The following IMMP2L variants were observed in gnomAD, a reference collection of about 807,000 sequenced individuals.
IMMP2L encodes inner mitochondrial membrane peptidase subunit 2, also known as mitochondrial inner membrane protease subunit 2.
In IMMP2L, 18 loss-of-function variants were observed where a neutral mutation model predicts 19.3. The ratio of observed to expected loss-of-function variants is 0.93; its 90% CI spans 0.64 to 1.38. The LOEUF is 1.38. IMMP2L is among the 40% of genes most tolerant of loss of function. The probability of loss-of-function intolerance (pLI) is 0.00; values close to 1 mark genes in which losing one functional copy is unlikely to be tolerated. For missense variants in IMMP2L, 233 were observed against 218.2 expected (o/e 1.07, Z -0.43); for synonymous variants, 76 against 73.0 (o/e 1.04, Z -0.21).
At chr7:111,325,417 ATGTTT>A (rs1216055109) in intron 3 of IMMP2L, among the ~76,000 whole-genome samples, 6 of 151,620 alleles carry the variant, frequency 4.0e-5, no homozygotes, top group African/African-American at 1.2e-4. Context: ...AATAAATATA[ATGTTT>A]TAATTCCATT....
intron 5 of IMMP2L, among the ~76,000 whole-genome samples, chr7:110,873,742 C>T (rs1808778218): frequency 2.0e-5 from 3 of 151,118 alleles, no homozygotes; most frequent in Non-Finnish European, 2.9e-5. Flanking sequence ...CCATTGCACC[C>T]CAGCAATGGG....
At chr7:110,770,807 A>G (rs950231552) in intron 5 of IMMP2L, among the ~76,000 whole-genome samples, 2 of 152,166 alleles carry the variant, frequency 1.3e-5, no homozygotes, top group African/African-American at 4.8e-5. Context: ...CTGACCTTCT[A>G]TGACATTCTA....
In IMMP2L at chr7:110,842,158, T is replaced by C. The variant is rs1322355511; in HGVS notation, c.408+44435A>G. ...TGGACTCAGTAGCTTCTCCAAAAAT[T>C]TCCTAACTATTTGGGGATTTTTTTT... On this transcript the variant is annotated intron_variant, in intron 5 of 5. Coordinates refer to ENST00000405709, the MANE Select transcript of IMMP2L (RefSeq NM_032549.4). 2.0e-5 allele frequency among the ~76,000 whole-genome samples: 3 copies of C among 152,190 alleles called. No homozygotes were observed. The East Asian group carries it at 5.8e-4, about 29-fold the overall frequency.
rs111447855 is a variant in IMMP2L, at chr7:111,228,393, G to A, written c.239+258845C>T. ...GAATAGGTTCTCATTAAAAAAAAAT[G>A]AGACTCAAAAAGAAAAACTTTTATT... On this transcript the variant is annotated intron_variant, in intron 3 of 5. Coordinates refer to ENST00000405709, the MANE Select transcript of IMMP2L (RefSeq NM_032549.4). Among the ~76,000 whole-genome samples the A allele has an allele frequency of 3.5e-3, 538 of 151,820 alleles. 3 individuals are homozygous for A. Among genetic ancestry groups the A allele is most frequent in the African/African-American group, 0.012 (508 of 41,410 alleles).
intron 2 of IMMP2L, among the ~76,000 whole-genome samples, chr7:111,502,430 G>A (rs1446961750): frequency 1.3e-5 from 2 of 152,002 alleles, no homozygotes; most frequent in African/African-American, 2.4e-5. Flanking sequence ...AAGTTAACAA[G>A]GATATCCAGG....
chr7:111,305,352 G>A (rs1330179051), intron 3 of IMMP2L, among the ~76,000 whole-genome samples: 1 of 151,994 alleles, frequency 6.6e-6, no homozygotes, highest in Non-Finnish European at 1.5e-5. Flanking sequence ...TTTTTGAGAT[G>A]GAGTCTCACT....
intron 3 of IMMP2L, among the ~76,000 whole-genome samples, chr7:111,267,161 AG>A (rs1817921341): frequency 6.6e-6 from 1 of 152,172 alleles, no homozygotes; most frequent in African/African-American, 2.4e-5. Flanking sequence ...AAATTTTTAT[AG>A]AAACTTACCA....
intron 5 of IMMP2L, among the ~76,000 whole-genome samples, chr7:110,817,319 C>G (rs1802614038): frequency 6.6e-6 from 1 of 151,968 alleles, no homozygotes; most frequent in South Asian, 2.1e-4. Context: ...ACACCAATAA[C>G]AGACAAACAG....
intron 3 of IMMP2L, among the ~76,000 whole-genome samples, chr7:111,086,628 T>C (rs1014583024): frequency 8.5e-5 from 13 of 152,224 alleles, no homozygotes; most frequent in African/African-American, 3.1e-4. Context: ...ATCATGTTTC[T>C]AACTGAATTG....
intron 3 of IMMP2L, among the ~76,000 whole-genome samples, chr7:111,408,415 C>A (rs1287855614): frequency 6.6e-6 from 1 of 151,744 alleles, no homozygotes; most frequent in Non-Finnish European, 1.5e-5. Flanking sequence ...AGAAATATCA[C>A]TATGGGTACA....
chr7:111,451,033 T>A (rs1038298317), intron 3 of IMMP2L, among the ~76,000 whole-genome samples: 11 of 148,840 alleles, frequency 7.4e-5, no homozygotes, highest in African/African-American at 2.6e-4. Flanking sequence ...CCAGTTAGAA[T>A]GGCGATCATT....
At chr7:111,326,266 A>T (rs1340656534) in intron 3 of IMMP2L, among the ~76,000 whole-genome samples, 1 of 151,876 alleles carries the variant, frequency 6.6e-6, no homozygotes, top group Non-Finnish European at 1.5e-5. Flanking sequence ...TGCCAAATAA[A>T]AATTAAGATG....
At position 110,714,799 on chromosome 7, in the gene IMMP2L, G is replaced by A. The variant is rs142637949; in HGVS notation, c.409-51078C>T. Among the ~76,000 whole-genome samples, 195 of 152,250 alleles carry A rather than the reference G, an allele frequency of 1.3e-3. 7 individuals are homozygous for A. The East Asian group carries it at 0.033, about 26-fold the overall frequency. On this transcript the variant is annotated intron_variant, in intron 5 of 5. Transcript: ENST00000405709. ...TTTAGTAGGGACAGGGTTTTGCCAT[G>A]TTGGTCAGGCAGGTCTCGAACTCGA... is the stretch of plus-strand genomic sequence containing the variant.
intron 3 of IMMP2L, chr7:111,483,522 T>C (rs555711616): frequency 1.3e-5 from 2 of 152,260 alleles, no homozygotes; most frequent in South Asian, 4.1e-4. Flanking sequence ...AGCTACTGAA[T>C]AACATACTTA....
intron 3 of IMMP2L, among the ~76,000 whole-genome samples, chr7:111,315,038 C>A (rs1329439678): frequency 6.6e-6 from 1 of 152,052 alleles, no homozygotes; most frequent in Non-Finnish European, 1.5e-5. Context: ...ACGTGCATAT[C>A]TCACCCAAAG....
At chr7:110,817,072 T>C (rs1802590351) in intron 5 of IMMP2L, among the ~76,000 whole-genome samples, 1 of 152,002 alleles carries the variant, frequency 6.6e-6, no homozygotes, top group Admixed American at 6.6e-5. Flanking sequence ...TGATGGTCTT[T>C]ACATTTTGGA....
At chr7:111,182,605 C>A (rs538954197) in intron 3 of IMMP2L, among the ~76,000 whole-genome samples, 6 of 150,772 alleles carry the variant, frequency 4.0e-5, no homozygotes, top group African/African-American at 1.5e-4. Context: ...AAGTACCCAC[C>A]GAAATTTTTT....
At position 111,123,479 on chromosome 7, in the gene IMMP2L, A is replaced by T. The variant is rs1586432813; in HGVS notation, c.240-159914T>A. On this transcript the variant is annotated intron_variant, in intron 3 of 5. Coordinates refer to ENST00000405709, the MANE Select transcript of IMMP2L (RefSeq NM_032549.4). The surrounding 1 kb of genome is among the most constrained non-coding windows in gnomAD (Gnocchi z 6.4). Reference sequence around the variant, plus strand: ...CCAGATAACGCCTTGGTTGGACTGGAAAACTTAGAAAGCATCTCTTTTTAC... The same window carrying T: ...CCAGATAACGCCTTGGTTGGACTGGTAAACTTAGAAAGCATCTCTTTTTAC... 1 of 1,613,864 alleles carries T rather than the reference A, an allele frequency of 6.2e-7. No homozygotes were observed. The highest frequency in any genetic ancestry group is 1.7e-5 in the Admixed American group (1 of 59,946).
intron 3 of IMMP2L, among the ~76,000 whole-genome samples, chr7:111,194,054 T>C (rs1210497731): frequency 6.6e-6 from 1 of 152,184 alleles, no homozygotes; most frequent in Non-Finnish European, 1.5e-5. Context: ...CTTCGGGATT[T>C]GGCAGTGATA....
Sources: gnomAD v4.1 joint callset for allele counts (sites outside exome capture counted in the v4.1 genomes callset) on GRCh38, gnomAD v4.1.1 for gene constraint, Gnocchi (gnomAD v3.1) non-coding constraint, MANE v1.5 for transcripts, NCBI Gene and HGNC (gene_info 2026-07-23, HGNC 2026-07-21) for gene names.